ACACB: variants seen among roughly 807,000 people sequenced by gnomAD.
ACACB encodes acetyl-CoA carboxylase 2.
In ACACB, 209 loss-of-function variants were observed where a neutral mutation model predicts 278.8. The ratio of observed to expected loss-of-function variants is 0.75; its 90% CI spans 0.67 to 0.84. The LOEUF is 0.84. Among genes scored for constraint, ACACB ranks in the 40% least tolerant of loss-of-function variants. ACACB has a pLI of 0.00. For synonymous variants in ACACB, 1,174 were observed against 1,285.6 expected, an observed-to-expected ratio of 0.91 and a Z score of 1.86; for missense variants, 2,850 against 3,269.0, an observed-to-expected ratio of 0.87 and a Z score of 3.13.
upstream of ACACB, among the ~76,000 whole-genome samples, chr12:109,112,078 C>A (rs373435137): frequency 6.6e-6 from 1 of 151,664 alleles, no homozygotes; most frequent in Non-Finnish European, 1.5e-5. Flanking sequence ...GCAGCACTGC[C>A]GGTAGGGGGA....
intron 45 of ACACB, among the ~76,000 whole-genome samples, chr12:109,257,734 C>T (rs1023066630): frequency 6.6e-6 from 1 of 152,108 alleles, no homozygotes; most frequent in African/African-American, 2.4e-5. Context: ...CCACACCTAG[C>T]CAGTTTTTTT....
rs892752725 is a variant in ACACB, at chr12:109,120,141, G to A, written c.-10+3437G>A. 3.9e-5 allele frequency among the ~76,000 whole-genome samples: 6 copies of A among 152,088 alleles called. No homozygotes were observed. In the East Asian group the frequency reaches 9.6e-4, roughly 24 times the overall value. On this transcript the variant is annotated intron_variant, in intron 1 of 52. Transcript: ENST00000338432. ...TCTGCTGTGTTATAAGGAAGGCTTC[G>A]GTCTTTTATTTCCATACTCCCCACA...
chr12:109,252,060 C>T lies in ACACB; in HGVS notation c.5805C>T (p.Ala1935=), dbSNP rs1282642423. ...IVTISLVTCR[A]IGIGAYLVRL... Reference sequence around the variant, plus strand: ...TCTCTCCACAGGTGACCTGCCGAGCCATTGGGATTGGGGCCTACTTGGTGA... The same window carrying T: ...TCTCTCCACAGGTGACCTGCCGAGCTATTGGGATTGGGGCCTACTTGGTGA... The change falls in exon 42 of 53, where the codon GCC becomes GCT. Residue 1935 remains alanine, a synonymous_variant. Coordinates refer to ENST00000338432, the MANE Select transcript of ACACB (RefSeq NM_001093.4). 1 of 1,612,806 alleles carries T rather than the reference C, an allele frequency of 6.2e-7. No individual in the cohort carries two copies.
rs965439360 is a variant in ACACB, at chr12:109,222,836, G to A, written c.3716G>A (p.Arg1239Gln). ...IASHLPSYEL[R>Q]HNQVESIFLS... ...TCCCACCTCCCCTCCTACGAGCTGC[G>A]GCATAACCAGGTGGAGTCCATTTTC... The change falls in exon 26 of 53, where the codon CGG becomes CAG. Residue 1239 changes from arginine to glutamine, a missense_variant. This residue lies in a region of ACACB where 2,265 missense variants were observed against 2,561.3 expected (regional missense o/e 0.88). Transcript: ENST00000338432. The A allele has an allele frequency of 8.1e-6, 13 of 1,613,540 alleles. No homozygotes were observed. Among genetic ancestry groups the A allele is most frequent in the East Asian group, 4.5e-5 (2 of 44,852 alleles).
intron 21 of ACACB, among the ~76,000 whole-genome samples, chr12:109,209,821 GCA>G (rs1272230818): frequency 9.2e-6 from 1 of 108,756 alleles, no homozygotes; most frequent in Non-Finnish European, 1.9e-5. Flanking sequence ...ACATATATAT[GCA>G]TATATATACA....
chr12:109,214,624 G>T (rs986057673), intron 22 of ACACB, among the ~76,000 whole-genome samples: 1 of 152,194 alleles, frequency 6.6e-6, no homozygotes, highest in East Asian at 1.9e-4. Flanking sequence ...GTCCTGTATT[G>T]TGTAAGTATG....
chr12:109,185,941 A>AT (rs368532777), intron 12 of ACACB, among the ~76,000 whole-genome samples: 10 of 151,682 alleles, frequency 6.6e-5, no homozygotes, highest in African/African-American at 2.4e-4. Flanking sequence ...ATTTATTTTT[A>AT]TTTTTTTGAG....
chr12:109,114,305 C>T (rs557848404), upstream of ACACB, among the ~76,000 whole-genome samples: 7 of 152,144 alleles, frequency 4.6e-5, no homozygotes, highest in East Asian at 7.7e-4. Context: ...ATAGCATGTT[C>T]TTTTGTCTCT....
chr12:109,240,016 G>A, intron 35 of ACACB, 31 bp downstream of exon 35: 1 of 1,605,670 alleles, frequency 6.2e-7, no homozygotes, highest in Non-Finnish European at 8.5e-7. Flanking sequence ...CTCTCACCGG[G>A]CTCTGGGTTC....
intron 1 of ACACB, among the ~76,000 whole-genome samples, chr12:109,132,309 C>T (rs1009507734): frequency 5.3e-5 from 8 of 151,816 alleles, no homozygotes; most frequent in Non-Finnish European, 8.8e-5. Context: ...GGATTACAGG[C>T]GTGCACCACC....
chr12:109,120,299 A>T (rs1485443305), intron 1 of ACACB, among the ~76,000 whole-genome samples: 1 of 152,182 alleles, frequency 6.6e-6, no homozygotes, highest in Non-Finnish European at 1.5e-5. Flanking sequence ...AGCCTTTACT[A>T]TGCTAAATGC....
chr12:109,176,935 G>A (rs2044302544), intron 9 of ACACB, among the ~76,000 whole-genome samples: 1 of 152,162 alleles, frequency 6.6e-6, no homozygotes, highest in Non-Finnish European at 1.5e-5. Context: ...TTTAACTGTA[G>A]GAACGAATTG....
rs370897180 is a variant in ACACB, at chr12:109,139,394, C to G, written c.-9-3C>G. On this transcript the variant is annotated splice_polypyrimidine_tract_variant and splice_region_variant and intron_variant, in intron 1 of 52. Coordinates refer to ENST00000338432, the MANE Select transcript of ACACB (RefSeq NM_001093.4). ...TAAAATGTCTCTCCTTTTCTCCTTA[C>G]AGATTTTCTGAATGGTCTTGCTTCT... 8.7e-6 allele frequency: 14 copies of G among 1,603,668 alleles called. No individual in the cohort carries two copies. Among genetic ancestry groups the G allele is most frequent in the Admixed American group, 5.2e-5 (3 of 58,086 alleles).
chr12:109,169,138 G>A lies in ACACB; in HGVS notation c.925+1104G>A, dbSNP rs376146585. ...GCGGCCTGGGCGACAGAGTGAGACTGTCTCAAAAAAAAAAAAAAAAAAGCA... is the reference window on the plus strand; with the variant it reads ...GCGGCCTGGGCGACAGAGTGAGACTATCTCAAAAAAAAAAAAAAAAAAGCA... On this transcript the variant is annotated intron_variant, in intron 4 of 52. Transcript: ENST00000338432. Among the ~76,000 whole-genome samples the A allele has an allele frequency of 9.4e-3, 400 of 42,640 alleles. 1 individual carries two copies. Among genetic ancestry groups the A allele is most frequent in the African/African-American group, 0.031 (369 of 11,864 alleles). The allele number at this position is 42,640 out of a possible 152,430, so 28.0% of individuals were successfully genotyped here.
At chr12:109,112,889 T>G (rs950102278), upstream of ACACB, among the ~76,000 whole-genome samples, 7 of 152,142 alleles carry the variant, frequency 4.6e-5, no homozygotes, top group Non-Finnish European at 1.0e-4. Flanking sequence ...TTTGAGGGTT[T>G]GCAGTTACCC....
At chr12:109,216,307 C>T (rs2045996877) in intron 22 of ACACB, among the ~76,000 whole-genome samples, 1 of 151,124 alleles carries the variant, frequency 6.6e-6, no homozygotes, top group Admixed American at 6.6e-5. Context: ...CTGCAACCTC[C>T]TCTTCCCGGA....
Position 109,179,273 on chromosome 12 carries a change from G to A in ACACB, c.1623G>A (p.Leu541=). 1 of 1,613,720 alleles carries A rather than the reference G, an allele frequency of 6.2e-7. No individual in the cohort carries two copies. The highest frequency in any genetic ancestry group is 8.5e-7 in the Non-Finnish European group (1 of 1,179,974). The change falls in exon 10 of 53, where the codon CTG becomes CTA. Residue 541 remains leucine, a synonymous_variant. Transcript: ENST00000338432. ...VEEAPATIAP[L]AIFEFMEQCA... ...AAGCACCGGCCACCATCGCCCCGCT[G>A]GCCATATTCGAGTTCATGGAGCAGG...
Position 109,151,068 on chromosome 12 carries a change from G to A in ACACB, c.653+11010G>A, listed in dbSNP as rs1022291126. 1.2e-3 allele frequency among the ~76,000 whole-genome samples: 178 copies of A among 146,192 alleles called. 1 individual carries two copies. The highest frequency in any genetic ancestry group is 4.0e-3 in the African/African-American group (157 of 39,198). ...ATTTCAGCTCACTGCAACCTCTACC[G>A]CCCGGGTCCCGGTTCAAGCAATTCT... On this transcript the variant is annotated intron_variant, in intron 2 of 52. Coordinates refer to ENST00000338432, the MANE Select transcript of ACACB (RefSeq NM_001093.4).
intron 18 of ACACB, among the ~76,000 whole-genome samples, chr12:109,200,989 G>C (rs983414591): frequency 1.3e-5 from 2 of 152,194 alleles, no homozygotes; most frequent in Admixed American, 1.3e-4. Context: ...TCCAGGCCTG[G>C]CTGACTTGGG....
Sources: allele counts gnomAD v4.1 joint callset (sites outside exome capture counted in the v4.1 genomes callset), GRCh38; gene constraint gnomAD v4.1.1; regional missense constraint gnomAD v4.1.1; transcripts MANE v1.5; gene names NCBI Gene and HGNC (gene_info 2026-07-23, HGNC 2026-07-21).